HFM1: variants seen among roughly 807,000 people sequenced by gnomAD.
The protein encoded by HFM1 is probable ATP-dependent DNA helicase HFM1.
A neutral mutation model predicts 192.1 loss-of-function variants in HFM1; 169 were observed. That is an observed-to-expected ratio of 0.88 (90% CI 0.78 to 1.00). HFM1 has a LOEUF of 1.00. Ranked by LOEUF, HFM1 falls within the 50% of genes least tolerant of loss-of-function variation. The pLI is 0.00. For missense variants in HFM1, 1,661 were observed against 1,668.0 expected (o/e 1.00, Z 0.07); for synonymous variants, 525 against 537.8 (o/e 0.98, Z 0.33).
intron 30 of HFM1, among the ~76,000 whole-genome samples, chr1:91,290,674 T>G (rs1006859645): frequency 1.3e-5 from 2 of 152,060 alleles, no homozygotes; most frequent in East Asian, 1.9e-4. Flanking sequence ...TACCCAGGAA[T>G]TGAACTCAGC....
At chr1:91,334,139 G>T (rs1654230099) in intron 20 of HFM1, among the ~76,000 whole-genome samples, 1 of 152,148 alleles carries the variant, frequency 6.6e-6, no homozygotes, top group African/African-American at 2.4e-5. Flanking sequence ...ATACTGTAAT[G>T]ATGGCTGGAA....
At chr1:91,388,676 T>G (rs533032313) in intron 4 of HFM1, among the ~76,000 whole-genome samples, 1 of 152,288 alleles carries the variant, frequency 6.6e-6, no homozygotes, top group Non-Finnish European at 1.5e-5. Context: ...GAGTAAATCT[T>G]CATGACCTTG....
At chr1:91,288,905 G>A (rs954688281) in intron 30 of HFM1, among the ~76,000 whole-genome samples, 1 of 152,166 alleles carries the variant, frequency 6.6e-6, no homozygotes, top group Non-Finnish European at 1.5e-5. Context: ...CCTCCCAGAC[G>A]GGGTGGCGGC....
chr1:91,372,148 A>G (rs1660299691), intron 13 of HFM1, among the ~76,000 whole-genome samples: 1 of 152,224 alleles, frequency 6.6e-6, no homozygotes, highest in Non-Finnish European at 1.5e-5. Context: ...TGGGACTGTA[A>G]ACTAGTTCAA....
At chr1:91,397,202 CA>C (rs1329658391) in intron 2 of HFM1, among the ~76,000 whole-genome samples, 2 of 152,138 alleles carry the variant, frequency 1.3e-5, no homozygotes, top group East Asian at 3.9e-4. Flanking sequence ...ATTCTTAGTC[CA>C]AACCATCTAC....
At chr1:91,353,671 A>C (rs963872180) in intron 13 of HFM1, among the ~76,000 whole-genome samples, 51 of 149,894 alleles carry the variant, frequency 3.4e-4, no homozygotes, top group Admixed American at 1.5e-3. Flanking sequence ...AAAAAAAAAA[A>C]ACATGGAAAT....
At position 91,261,310 on chromosome 1, in the gene HFM1, T is replaced by C. The variant is rs1190759896; in HGVS notation, c.4288A>G (p.Ile1430Val). ...TTGTTTTAGAAAATACCATCAAATATTCCCAATAAAGACTTCATTTCATCA... is the reference window on the plus strand; with the variant it reads ...TTGTTTTAGAAAATACCATCAAATACTCCCAATAAAGACTTCATTTCATCA... ...EADEMKSLLG[I>V]FDGIF The change falls in exon 39 of 39, where the codon ATA becomes GTA. Residue 1430 changes from isoleucine to valine, a missense_variant. Physicochemically the swap from Ile to Val is conservative, Grantham distance 29. Transcript: ENST00000370425. 2 of 1,403,278 alleles carry C rather than the reference T, an allele frequency of 1.4e-6. No individual in the cohort carries two copies. The highest frequency in any genetic ancestry group is 1.7e-5 in the South Asian group (1 of 60,010). 86.9% of individuals were successfully genotyped at this position (1,403,278 alleles called of 1,614,324 possible).
At chr1:91,292,969 A>G (rs961935320) in intron 30 of HFM1, among the ~76,000 whole-genome samples, 1 of 152,166 alleles carries the variant, frequency 6.6e-6, no homozygotes. Context: ...TCCCTATTTA[A>G]TAAATGGTGC....
At chr1:91,267,929 G>C (rs1665921424) in intron 34 of HFM1, 74 bp from the exon 35 acceptor site, 1 of 797,376 alleles carries the variant, frequency 1.3e-6, no homozygotes, top group Admixed American at 2.8e-5. Context: ...TTCTGTTGAA[G>C]AACACTGTTT....
chr1:91,398,375 A>C (rs1663921547), intron 2 of HFM1, among the ~76,000 whole-genome samples: 1 of 152,142 alleles, frequency 6.6e-6, no homozygotes, highest in Admixed American at 6.6e-5. Flanking sequence ...ATTCCTTGTA[A>C]TGCTTCTTAA....
intron 32 of HFM1, 91 bp from the exon 33 acceptor site, chr1:91,274,900 T>C: frequency 3.6e-6 from 2 of 562,850 alleles, no homozygotes; most frequent in East Asian, 3.1e-5. Flanking sequence ...TGCTGGTACA[T>C]AAAGTCCCCA....
chr1:91,295,768 A>G (rs1055411795), intron 30 of HFM1, among the ~76,000 whole-genome samples: 3 of 152,066 alleles, frequency 2.0e-5, no homozygotes, highest in Non-Finnish European at 4.4e-5. Flanking sequence ...ATGGTTAGAA[A>G]GTTTTGTGCC....
intron 34 of HFM1, among the ~76,000 whole-genome samples, chr1:91,270,884 G>A (rs1226896566): frequency 6.6e-6 from 1 of 152,150 alleles, no homozygotes; most frequent in Non-Finnish European, 1.5e-5. Flanking sequence ...AGGAAGCGAT[G>A]AGCATACTGA....
intron 20 of HFM1, chr1:91,329,369 T>A: frequency 6.3e-7 from 1 of 1,595,622 alleles, no homozygotes; most frequent in Non-Finnish European, 8.5e-7. Flanking sequence ...TGAGTAAGAG[T>A]CATTAAGGCA....
intron 30 of HFM1, among the ~76,000 whole-genome samples, chr1:91,292,215 G>A (rs1295322055): frequency 6.7e-6 from 1 of 150,294 alleles, no homozygotes; most frequent in African/African-American, 2.5e-5. Flanking sequence ...AATTAGGCAG[G>A]AGAAGGAAAT....
chr1:91,321,108 T>C (rs1652032922), intron 23 of HFM1, among the ~76,000 whole-genome samples: 1 of 152,058 alleles, frequency 6.6e-6, no homozygotes, highest in Non-Finnish European at 1.5e-5. Context: ...AGGGAAGACC[T>C]AGGAATTAAA....
intron 1 of HFM1, 42 bp downstream of exon 1, chr1:91,404,756 C>G (rs538283616): frequency 2.4e-6 from 1 of 424,634 alleles, no homozygotes; most frequent in South Asian, 1.6e-5. Flanking sequence ...GTCGGGCCCC[C>G]GTCCCCACCT....
chr1:91,364,317 A>T (rs1658932896), intron 13 of HFM1, among the ~76,000 whole-genome samples: 1 of 152,066 alleles, frequency 6.6e-6, no homozygotes. Context: ...TGTGGAAAAA[A>T]GGGAATCCTA....
intron 30 of HFM1, among the ~76,000 whole-genome samples, chr1:91,305,663 A>C (rs2101071672): frequency 6.6e-6 from 1 of 151,784 alleles, no homozygotes; most frequent in East Asian, 1.9e-4. Context: ...GAACACCTGG[A>C]CTCAAGTGAT....
Sources: gnomAD v4.1 joint callset for allele counts (sites outside exome capture counted in the v4.1 genomes callset) on GRCh38, gnomAD v4.1.1 for gene constraint, MANE v1.5 for transcripts, NCBI Gene and HGNC (gene_info 2026-07-23, HGNC 2026-07-21) for gene names.